Variants in CD163L1 observed in about 807,000 individuals in gnomAD.
CD163L1 encodes the protein CD163 molecule like 1, also known as scavenger receptor cysteine-rich type 1 protein M160.
In CD163L1, 124 loss-of-function variants were observed where a neutral mutation model predicts 165.4. The observed-to-expected ratio is 0.75, with a 90% confidence interval of 0.65 to 0.87. The LOEUF is 0.87. CD163L1 is among the 40% of genes least tolerant of loss of function. The pLI, the probability that CD163L1 is intolerant of heterozygous loss-of-function variation, is 0.00. For missense variants in CD163L1, 1,525 were observed against 1,799.9 expected (o/e 0.85, Z 2.76); for synonymous variants, 585 against 662.2 (o/e 0.88, Z 1.79).
chr12:7,378,226 T>G (rs1231148036), intron 9 of CD163L1, among the ~76,000 whole-genome samples: 3 of 150,664 alleles, frequency 2.0e-5, no homozygotes, highest in African/African-American at 7.5e-5. Flanking sequence ...ATTTGGAAGC[T>G]TTTCACCAGC....
chr12:7,397,401 A>G (rs1042860749), intron 7 of CD163L1, among the ~76,000 whole-genome samples: 1 of 152,190 alleles, frequency 6.6e-6, no homozygotes, highest in Non-Finnish European at 1.5e-5. Flanking sequence ...GAAAACCTTC[A>G]CCTGGTAAGG....
intron 2 of CD163L1, chr12:7,439,923 C>CG (rs1948794770): frequency 1.3e-6 from 2 of 1,597,578 alleles, no homozygotes; most frequent in Non-Finnish European, 1.7e-6. Flanking sequence ...CGGCCAACTC[C>CG]TCAGTGCTGT....
intron 8 of CD163L1, among the ~76,000 whole-genome samples, chr12:7,384,484 C>T (rs571290618): frequency 3.9e-5 from 6 of 152,110 alleles, no homozygotes; most frequent in Middle Eastern, 6.8e-3. Context: ...AATGTATTCT[C>T]CAAGGCACAT....
At position 7,424,392 on chromosome 12, in the gene CD163L1, C is replaced by T. The variant is rs374124488; in HGVS notation, c.766+8024G>A. Among the ~76,000 whole-genome samples, 29 of 152,154 alleles carry T rather than the reference C, an allele frequency of 1.9e-4. No individual in the cohort carries two copies. The East Asian group carries it at 5.0e-3, about 26-fold the overall frequency. ...CATAGCCAATATCATACTGAATGGG[C>T]AAAAGCTGGAAGCATCCCCTTTGAA... On this transcript the variant is annotated intron_variant, in intron 4 of 19. Transcript: ENST00000313599.
chr12:7,370,392 A>AT, intron 14 of CD163L1, among the ~76,000 whole-genome samples: 2 of 152,220 alleles, frequency 1.3e-5, no homozygotes, highest in East Asian at 3.9e-4. Flanking sequence ...ATTCTTTATT[A>AT]TTTTGTTAAA....
rs1460233530 is a variant in CD163L1, at chr12:7,357,364, A to C, written c.*24+16T>G. The C allele has an allele frequency of 6.5e-7, 1 of 1,546,812 alleles. No individual in the cohort carries two copies. On this transcript the variant is annotated intron_variant, in intron 19 of 19. Transcript: ENST00000313599. ...TAAATTACTAGTTTTAGTAGGAACAATACTTCTCAACTTACCTGGTGAGCC... is the reference window on the plus strand; with the variant it reads ...TAAATTACTAGTTTTAGTAGGAACACTACTTCTCAACTTACCTGGTGAGCC...
chr12:7,383,229 G>T (rs1345890616), intron 8 of CD163L1, among the ~76,000 whole-genome samples: 1 of 152,106 alleles, frequency 6.6e-6, no homozygotes, highest in Non-Finnish European at 1.5e-5. Flanking sequence ...CTGTCCCTGT[G>T]TGCAACATCA....
rs758357965 is a variant in CD163L1, at chr12:7,406,814, T to A, written c.805A>T (p.Asn269Tyr). Residue 269 changes from asparagine to tyrosine, a missense_variant, in exon 5 of 20, where the codon AAC becomes TAC. Asn to Tyr is a moderately radical substitution (Grantham distance 143, BLOSUM62 -2). Coordinates refer to ENST00000313599, the MANE Select transcript of CD163L1 (RefSeq NM_174941.6). ...AGCTCTACTCTCCCCATACAGCGGT[T>A]AGTTCCACCTACAAGCCTTAGTTCA... Reference protein sequence around the residue: ...DLELRLVGGTNRCMGRVELKI... With the variant: ...DLELRLVGGTYRCMGRVELKI... 2 of 1,614,068 alleles carry A rather than the reference T, an allele frequency of 1.2e-6. No homozygotes were observed. Among genetic ancestry groups the A allele is most frequent in the East Asian group, 4.5e-5 (2 of 44,880 alleles).
intron 4 of CD163L1, among the ~76,000 whole-genome samples, chr12:7,416,383 T>C (rs906428830): frequency 2.6e-5 from 4 of 152,196 alleles, no homozygotes; most frequent in South Asian, 2.1e-4. Context: ...TTCACTCTGA[T>C]GATAGTTTTC....
chr12:7,430,557 T>C (rs1342184353), intron 4 of CD163L1, among the ~76,000 whole-genome samples: 1 of 152,210 alleles, frequency 6.6e-6, no homozygotes, highest in Non-Finnish European at 1.5e-5. Flanking sequence ...GTGCTAATTG[T>C]TAGGAATACA....
In CD163L1 at chr12:7,400,871, G is replaced by C. The variant is rs1947903714; in HGVS notation, c.1409-2287C>G. Among the ~76,000 whole-genome samples the C allele has an allele frequency of 6.6e-6, 1 of 151,928 alleles. No homozygotes were observed. Among genetic ancestry groups the C allele is most frequent in the African/African-American group, 2.4e-5 (1 of 41,346 alleles). On this transcript the variant is annotated intron_variant, in intron 6 of 19. Transcript: ENST00000313599. This position sits in a 1 kb window ranked among gnomAD's most constrained non-coding sequence, Gnocchi z 4.1. ...TGATGGTTCTAGAAATAGAAGAGGG[G>C]GATTATGTATTTTATAAAGGGACTC...
the CD163L1 span, chr12:7,327,181 T>A: frequency 7.1e-7 from 1 of 1,412,624 alleles, no homozygotes; most frequent in Non-Finnish European, 9.4e-7. Context: ...TTTGATTTTA[T>A]AGTAGCTCAT....
intron 18 of CD163L1, among the ~76,000 whole-genome samples, chr12:7,365,103 G>T (rs2014072215): frequency 6.6e-6 from 1 of 152,000 alleles, no homozygotes; most frequent in Admixed American, 6.6e-5. Flanking sequence ...AGAGAACCCA[G>T]ATATAAATCC....
the CD163L1 span, among the ~76,000 whole-genome samples, chr12:7,320,015 T>C: frequency 6.6e-6 from 1 of 152,206 alleles, no homozygotes; most frequent in Non-Finnish European, 1.5e-5. Context: ...TCAAACATCA[T>C]ACTTTATCTG....
At chr12:7,403,476 C>A in intron 6 of CD163L1, 59 bp downstream of exon 6, 2 of 1,491,272 alleles carry the variant, frequency 1.3e-6, no homozygotes, top group Non-Finnish European at 1.8e-6. Context: ...TTTCTAACCT[C>A]CCAACAGATT....
At position 7,403,496 on chromosome 12, in the gene CD163L1, A is replaced by G. The variant is rs186139864; in HGVS notation, c.1408+39T>C. ...AACCTCCCAACAGATTATTTCTAAA[A>G]ATTCAAATGTGTACACTCTCATGAT... is the stretch of plus-strand genomic sequence containing the variant. On this transcript the variant is annotated intron_variant, in intron 6 of 19. Transcript: ENST00000313599. 213 of 1,541,068 alleles carry G rather than the reference A, an allele frequency of 1.4e-4. 2 individuals are homozygous for G. In the African/African-American group the frequency reaches 2.5e-3, roughly 18 times the overall value.
chr12:7,432,839 C>T lies in CD163L1; in HGVS notation c.446-103G>A, dbSNP rs1948652940. 11 of 957,158 alleles carry T rather than the reference C, an allele frequency of 1.1e-5. No individual in the cohort carries two copies. Among genetic ancestry groups the T allele is most frequent in the Non-Finnish European group, 1.6e-5 (11 of 675,456 alleles). The allele number at this position is 957,158 out of a possible 1,614,324, so 59.3% of individuals were successfully genotyped here. ...GACAGCCCTGTTATGAATGAAGTTA[C>T]CAAAAATTAAAAAAAAATAACTGAA... On this transcript the variant is annotated intron_variant, in intron 3 of 19. Transcript: ENST00000313599. The surrounding 1 kb of genome is among the most constrained non-coding windows in gnomAD (Gnocchi z 4.2).
intron 13 of CD163L1, among the ~76,000 whole-genome samples, chr12:7,373,847 T>A (rs1947196924): frequency 6.6e-6 from 1 of 152,210 alleles, no homozygotes; most frequent in Non-Finnish European, 1.5e-5. Flanking sequence ...CCAAGAATAG[T>A]ATTTGAGCTT....
intron 4 of CD163L1, among the ~76,000 whole-genome samples, chr12:7,420,171 C>T (rs1331439223): frequency 6.6e-6 from 1 of 151,772 alleles, no homozygotes; most frequent in Admixed American, 6.6e-5. Flanking sequence ...AGAGTGAAAA[C>T]GGATCCTCAT....
Sources: allele counts gnomAD v4.1 joint callset (sites outside exome capture counted in the v4.1 genomes callset), GRCh38; gene constraint gnomAD v4.1.1; non-coding constraint Gnocchi (gnomAD v3.1); transcripts MANE v1.5; gene names NCBI Gene and HGNC (gene_info 2026-07-23, HGNC 2026-07-21).